The following CDIN1 variants were observed in gnomAD, a reference collection of about 807,000 sequenced individuals.
CDIN1 encodes CDAN1 interacting nuclease 1.
A neutral mutation model predicts 45.3 loss-of-function variants in CDIN1; 33 were observed. The ratio of observed to expected loss-of-function variants is 0.73; its 90% CI spans 0.55 to 0.97. CDIN1 has a LOEUF of 0.97. Among genes scored for constraint, CDIN1 ranks in the 50% least tolerant of loss-of-function variants. CDIN1 has a pLI of 0.00. For synonymous variants in CDIN1, 118 were observed against 124.4 expected (o/e 0.95, Z 0.34); for missense variants, 303 against 339.4 (o/e 0.89, Z 0.84).
chr15:36,655,621 G>A (rs953641811), intron 4 of CDIN1, among the ~76,000 whole-genome samples: 1 of 152,296 alleles, frequency 6.6e-6, no homozygotes, highest in East Asian at 1.9e-4. Context: ...CACCACGCCC[G>A]GCCAGCAGGC....
intron 8 of CDIN1, chr15:36,701,882 G>A: frequency 1.7e-6 from 1 of 580,526 alleles, no homozygotes; most frequent in South Asian, 2.3e-5. Context: ...AGTGAAGGAT[G>A]TCCCTTGTCG....
intron 10 of CDIN1, among the ~76,000 whole-genome samples, chr15:36,792,431 G>A (rs920642769): frequency 6.6e-6 from 1 of 152,030 alleles, no homozygotes; most frequent in Non-Finnish European, 1.5e-5. Context: ...CGTTCACCTC[G>A]TGCCCGCAGA....
At chr15:36,635,775 G>C (rs896136865) in intron 1 of CDIN1, among the ~76,000 whole-genome samples, 3 of 152,146 alleles carry the variant, frequency 2.0e-5, no homozygotes, top group Non-Finnish European at 4.4e-5. Context: ...GAATCAAATA[G>C]AAAATTTAGA....
At position 36,628,696 on chromosome 15, in the gene CDIN1, A is replaced by G. The variant is rs1473788024; in HGVS notation, c.102-15582A>G. Among the ~76,000 whole-genome samples the G allele has an allele frequency of 6.6e-5, 10 of 152,270 alleles. No homozygotes were observed. The East Asian group carries it at 1.9e-3, about 29-fold the overall frequency. On this transcript the variant is annotated intron_variant, in intron 1 of 10. Transcript: ENST00000566621. ...CAAATGTATCTGGCATGTGGGTCAG[A>G]TATGAATCTTTAAGGCCAGAGGGTG...
chr15:36,649,883 G>T (rs961468485), intron 3 of CDIN1, among the ~76,000 whole-genome samples: 5 of 152,194 alleles, frequency 3.3e-5, no homozygotes, highest in Non-Finnish European at 7.3e-5. Flanking sequence ...GTGGAAGGCA[G>T]GTACTGTGTC....
intron 1 of CDIN1, among the ~76,000 whole-genome samples, chr15:36,608,368 G>A (rs1198333855): frequency 1.3e-5 from 2 of 152,118 alleles, no homozygotes; most frequent in Admixed American, 6.6e-5. Flanking sequence ...TATTCCTGGT[G>A]GGTATGAAGT....
At chr15:36,624,027 C>G (rs2039314471) in intron 1 of CDIN1, among the ~76,000 whole-genome samples, 1 of 152,068 alleles carries the variant, frequency 6.6e-6, no homozygotes, top group Non-Finnish European at 1.5e-5. Context: ...AAGTGTTCCC[C>G]CAGTGTTACC....
chr15:36,723,018 C>G (rs1412137355), intron 10 of CDIN1, among the ~76,000 whole-genome samples: 2 of 151,306 alleles, frequency 1.3e-5, no homozygotes, highest in South Asian at 2.1e-4. Flanking sequence ...CCAATCTACT[C>G]TTAAGATCTG....
chr15:36,587,919 T>A (rs1476272581), intron 1 of CDIN1, among the ~76,000 whole-genome samples: 4 of 152,160 alleles, frequency 2.6e-5, no homozygotes, highest in Non-Finnish European at 5.9e-5. Context: ...AAGGCTGTGG[T>A]GACGGTGAAG....
intron 1 of CDIN1, among the ~76,000 whole-genome samples, chr15:36,600,494 T>C (rs926631671): frequency 6.6e-6 from 1 of 152,234 alleles, no homozygotes; most frequent in Non-Finnish European, 1.5e-5. Flanking sequence ...TGTTAATTTC[T>C]CTGTTATTTG....
chr15:36,739,869 G>GA (rs1227507548), intron 10 of CDIN1, among the ~76,000 whole-genome samples: 1 of 152,056 alleles, frequency 6.6e-6, no homozygotes, highest in Non-Finnish European at 1.5e-5. Context: ...CAAAAAATTT[G>GA]AAAAATTAGT....
chr15:36,694,133 A>G (rs2042342629), intron 7 of CDIN1, among the ~76,000 whole-genome samples: 1 of 152,200 alleles, frequency 6.6e-6, no homozygotes. Flanking sequence ...TATCTTTCCA[A>G]AATTTCAACT....
intron 1 of CDIN1, among the ~76,000 whole-genome samples, chr15:36,594,599 T>G (rs2037729246): frequency 6.6e-6 from 1 of 152,194 alleles, no homozygotes; most frequent in Non-Finnish European, 1.5e-5. Flanking sequence ...ATGAAAAATT[T>G]GATGCATGGA....
intron 10 of CDIN1, among the ~76,000 whole-genome samples, chr15:36,749,080 G>C (rs897599774): frequency 6.6e-6 from 1 of 152,064 alleles, no homozygotes; most frequent in African/African-American, 2.4e-5. Context: ...ACACTCACTC[G>C]TATCGCTTTA....
chr15:36,623,315 G>A (rs1172124102), intron 1 of CDIN1, among the ~76,000 whole-genome samples: 1 of 151,884 alleles, frequency 6.6e-6, no homozygotes, highest in Non-Finnish European at 1.5e-5. Context: ...AAACAATTTT[G>A]CCTTCTCTTT....
intron 5 of CDIN1, among the ~76,000 whole-genome samples, chr15:36,682,327 G>A (rs1032156534): frequency 6.6e-6 from 1 of 152,118 alleles, no homozygotes; most frequent in Non-Finnish European, 1.5e-5. Context: ...CAGCTCCAAG[G>A]CAGAAAGAAT....
At chr15:36,671,239 C>T (rs749094133) in intron 5 of CDIN1, among the ~76,000 whole-genome samples, 2 of 152,106 alleles carry the variant, frequency 1.3e-5, no homozygotes, top group East Asian at 1.9e-4. Flanking sequence ...GCACCAGTCA[C>T]GAAACCATTC....
intron 10 of CDIN1, among the ~76,000 whole-genome samples, chr15:36,752,667 C>G (rs1038282071): frequency 6.6e-6 from 1 of 152,178 alleles, no homozygotes; most frequent in Non-Finnish European, 1.5e-5. Flanking sequence ...CTACTCATCT[C>G]TTGAAACAGT....
At chr15:36,626,139 A>G (rs952283799) in intron 1 of CDIN1, among the ~76,000 whole-genome samples, 8 of 151,526 alleles carry the variant, frequency 5.3e-5, no homozygotes, top group African/African-American at 1.9e-4. Context: ...TGTGATATAT[A>G]TAATTTATTT....
Sources: allele counts gnomAD v4.1 joint callset (sites outside exome capture counted in the v4.1 genomes callset), GRCh38; gene constraint gnomAD v4.1.1; transcripts MANE v1.5; gene names NCBI Gene and HGNC (gene_info 2026-07-23, HGNC 2026-07-21).